The following MGLL variants were observed in gnomAD, a reference collection of about 807,000 sequenced individuals.
MGLL encodes the protein monoglyceride lipase.
Under a neutral mutation model 29.1 loss-of-function variants are expected in MGLL, and 7 were observed. That is an observed-to-expected ratio of 0.24 (90% confidence interval 0.14 to 0.45). The LOEUF (loss-of-function observed/expected upper bound fraction) is 0.45. MGLL is among the 20% of genes least tolerant of loss of function. The pLI is 0.99. For synonymous variants in MGLL, 148 were observed against 168.3 expected, an observed-to-expected ratio of 0.88 and a Z score of 0.93; for missense variants, 356 against 413.6, an observed-to-expected ratio of 0.86 and a Z score of 1.21.
At chr3:127,817,730 C>T (rs890919064) in intron 2 of MGLL, among the ~76,000 whole-genome samples, 2 of 152,264 alleles carry the variant, frequency 1.3e-5, no homozygotes, top group Non-Finnish European at 2.9e-5. Context: ...CCTTCCCTCA[C>T]CTGAGCTCAT....
At position 127,782,597 on chromosome 3, in the gene MGLL, G is replaced by A. The variant is rs561774746; in HGVS notation, c.156-702C>T. On this transcript the variant is annotated intron_variant, in intron 2 of 7. Transcript: ENST00000265052. ...CCAGGGCCTGCTTCCTCCCTCGGGG[G>A]CGAATGTGGCAGCATTTAGATTCCA... Among the ~76,000 whole-genome samples the A allele has an allele frequency of 2.0e-5, 3 of 152,310 alleles. No individual in the cohort carries two copies. The South Asian group carries it at 6.2e-4, about 32-fold the overall frequency.
At chr3:127,717,760 G>A (rs2075842744) in intron 5 of MGLL, among the ~76,000 whole-genome samples, 2 of 152,182 alleles carry the variant, frequency 1.3e-5, no homozygotes, top group African/African-American at 4.8e-5. Context: ...GAGGGGCCCT[G>A]CAGCCTGCAG....
intron 6 of MGLL, among the ~76,000 whole-genome samples, chr3:127,700,189 C>CT (rs2075451883): frequency 6.6e-6 from 1 of 152,198 alleles, no homozygotes; most frequent in Non-Finnish European, 1.5e-5. Context: ...TGAGTGATCT[C>CT]TGTGAAATTT....
intron 3 of MGLL, chr3:127,736,326 T>C: frequency 2.0e-6 from 2 of 985,942 alleles, no homozygotes; most frequent in African/African-American, 1.7e-5. Flanking sequence ...GCCTGGGTGA[T>C]AAGCAACTAA....
intron 2 of MGLL, among the ~76,000 whole-genome samples, chr3:127,810,073 T>C (rs1048157329): frequency 1.3e-5 from 2 of 152,146 alleles, no homozygotes; most frequent in African/African-American, 4.8e-5. Flanking sequence ...GCCTATACAA[T>C]GAAGCCCAAA....
At chr3:127,746,139 G>A (rs2076437626) in intron 3 of MGLL, among the ~76,000 whole-genome samples, 1 of 152,170 alleles carries the variant, frequency 6.6e-6, no homozygotes, top group Non-Finnish European at 1.5e-5. Flanking sequence ...AGAGGAGCCT[G>A]TGAGAACGCC....
chr3:127,793,528 C>G lies in MGLL; in HGVS notation c.156-11633G>C, dbSNP rs112685617. On this transcript the variant is annotated intron_variant, in intron 2 of 7. Transcript: ENST00000265052. ...TTTTCAGATGTCAGTTTCTTCCCCT[C>G]TGCATAAGTGGGTCTTATTTTATAG... is the stretch of plus-strand genomic sequence containing the variant. Among the ~76,000 whole-genome samples the G allele has an allele frequency of 2.2e-3, 340 of 152,322 alleles. 1 individual carries two copies. The highest frequency in any genetic ancestry group is 7.4e-3 in the African/African-American group (309 of 41,572).
At chr3:127,811,881 T>C (rs2077669030) in intron 2 of MGLL, among the ~76,000 whole-genome samples, 1 of 152,226 alleles carries the variant, frequency 6.6e-6, no homozygotes, top group Non-Finnish European at 1.5e-5. Flanking sequence ...TGACCATTGA[T>C]ACATGCAGGA....
intron 3 of MGLL, chr3:127,735,633 T>G: frequency 6.9e-7 from 1 of 1,445,070 alleles, no homozygotes; most frequent in Non-Finnish European, 9.3e-7. Flanking sequence ...ATTCCAAGAT[T>G]GTAGTTACCT....
In MGLL at chr3:127,761,589, C is replaced by A. The variant is rs1176078962; in HGVS notation, c.262+20200G>T. Among the ~76,000 whole-genome samples, 1 of 152,230 alleles carries A rather than the reference C, an allele frequency of 6.6e-6. No homozygotes were observed. The highest frequency in any genetic ancestry group is 1.5e-5 in the Non-Finnish European group (1 of 68,038). On this transcript the variant is annotated intron_variant, in intron 3 of 7. Coordinates refer to ENST00000265052, the MANE Select transcript of MGLL (RefSeq NM_007283.7). This position sits in a 1 kb window ranked among gnomAD's most constrained non-coding sequence, Gnocchi z 4.6. ...TCTGTGTGTGTGTCCACGTGTTCCC[C>A]TAAGCGACTGGGCTACACCAGTCCA...
chr3:127,772,623 T>C (rs947319846), intron 3 of MGLL, among the ~76,000 whole-genome samples: 1 of 152,150 alleles, frequency 6.6e-6, no homozygotes, highest in Non-Finnish European at 1.5e-5. Context: ...CTCCAGCAGA[T>C]CCAGCAACTA....
chr3:127,734,822 T>TCAGC (rs2076216131), intron 3 of MGLL, among the ~76,000 whole-genome samples: 1 of 152,244 alleles, frequency 6.6e-6, no homozygotes, highest in South Asian at 2.1e-4. Flanking sequence ...GCACACGGGC[T>TCAGC]GAGGCTCTGG....
chr3:127,751,855 C>T (rs959190962), intron 3 of MGLL, among the ~76,000 whole-genome samples: 2 of 152,230 alleles, frequency 1.3e-5, no homozygotes, highest in Non-Finnish European at 2.9e-5. Context: ...GGTGGCTCTA[C>T]CATGATGGGC....
At chr3:127,774,745 C>T (rs530860459) in intron 3 of MGLL, among the ~76,000 whole-genome samples, 1 of 152,322 alleles carries the variant, frequency 6.6e-6, no homozygotes, top group South Asian at 2.1e-4. Flanking sequence ...CCCCCAGGGG[C>T]TGTTAGAAAT....
At chr3:127,695,251 C>T in intron 6 of MGLL, 61 bp from the exon 7 acceptor site, 2 of 1,519,778 alleles carry the variant, frequency 1.3e-6, no homozygotes, top group South Asian at 1.1e-5. Context: ...TAAGCCAGGC[C>T]TATTTCCTGG....
At chr3:127,777,388 A>C (rs2077054098) in intron 3 of MGLL, among the ~76,000 whole-genome samples, 1 of 152,254 alleles carries the variant, frequency 6.6e-6, no homozygotes. Context: ...CCTTACCAAC[A>C]GAAGTTTCTG....
chr3:127,793,170 A>C (rs2077329511), intron 2 of MGLL, among the ~76,000 whole-genome samples: 1 of 152,164 alleles, frequency 6.6e-6, no homozygotes, highest in East Asian at 1.9e-4. Flanking sequence ...TCGACCAGGC[A>C]CGTGGCAGAA....
intron 3 of MGLL, among the ~76,000 whole-genome samples, chr3:127,780,995 G>A (rs942526774): frequency 2.6e-5 from 4 of 152,296 alleles, no homozygotes; most frequent in Non-Finnish European, 5.9e-5. Flanking sequence ...ACTACATACC[G>A]ACTCAGACAA....
chr3:127,819,967 A>G (rs2077830137), intron 2 of MGLL, among the ~76,000 whole-genome samples: 1 of 152,140 alleles, frequency 6.6e-6, no homozygotes, highest in Admixed American at 6.5e-5. Flanking sequence ...ACAGGTAGGT[A>G]GGACCTTGGC....
Sources: allele counts gnomAD v4.1 joint callset (sites outside exome capture counted in the v4.1 genomes callset), GRCh38; gene constraint gnomAD v4.1.1; non-coding constraint Gnocchi (gnomAD v3.1); transcripts MANE v1.5; gene names NCBI Gene and HGNC (gene_info 2026-07-23, HGNC 2026-07-21).